The following DCAF1 variants were observed in gnomAD, a reference collection of about 807,000 sequenced individuals.
The protein encoded by DCAF1 is DDB1- and CUL4-associated factor 1.
A neutral mutation model predicts 128.0 loss-of-function variants in DCAF1; 15 were observed. The observed-to-expected ratio is 0.12, with a 90% CI of 0.08 to 0.18. The LOEUF is 0.18. Ranked by LOEUF, DCAF1 falls within the 10% of genes least tolerant of loss-of-function variation. The pLI is 1.00. For missense variants in DCAF1, 988 were observed against 1,649.5 expected (o/e 0.60, Z 6.95); for synonymous variants, 610 against 603.0 (o/e 1.01, Z -0.17).
At chr3:51,477,461 CAA>C (rs1249028437) in intron 3 of DCAF1, among the ~76,000 whole-genome samples, 11 of 90,796 alleles carry the variant, frequency 1.2e-4, no homozygotes, top group Admixed American at 3.5e-4. Flanking sequence ...CCTGTCTCTA[CAA>C]AAAAAAAAAA....
chr3:51,491,967 C>G (rs782815658), intron 2 of DCAF1, among the ~76,000 whole-genome samples: 1 of 151,976 alleles, frequency 6.6e-6, no homozygotes, highest in Non-Finnish European at 1.5e-5. Flanking sequence ...ACCATCCTAG[C>G]CAACATGGTG....
rs1553631908 is a variant in DCAF1 at position 51,420,125 on chromosome 3, C to T, written c.2845G>A (p.Gly949Ser). The change falls in exon 15 of 25, where the codon GGC becomes AGC. Residue 949 changes from glycine (G) to serine (S), a missense_variant. Coordinates refer to ENST00000684031, the MANE Select transcript of DCAF1 (RefSeq NM_001387579.1). This position sits in a 1 kb window ranked among gnomAD's most constrained non-coding sequence, Gnocchi z 6.5. ...PLALPGPSYA[G>S]NSPLIGRISF... ...ATTCTACCAATCAAAGGGGAGTTGC[C>T]TGCATAAGATGGGCCGGGCAGAGCT... 1 of 1,613,882 alleles carries T rather than the reference C, an allele frequency of 6.2e-7. No homozygotes were observed. The highest frequency in any genetic ancestry group is 1.3e-5 in the African/African-American group (1 of 74,914).
At chr3:51,500,812 CTTTTTT>C (rs3051029), upstream of DCAF1, among the ~76,000 whole-genome samples, 1 of 128,662 alleles carries the variant, frequency 7.8e-6, no homozygotes, top group Non-Finnish European at 1.6e-5. Context: ...TTTTCTCTGT[CTTTTTT>C]TTTTTTTTTT....
At chr3:51,493,826 G>A (rs992446608) in intron 2 of DCAF1, among the ~76,000 whole-genome samples, 6 of 151,764 alleles carry the variant, frequency 4.0e-5, no homozygotes, top group Non-Finnish European at 5.9e-5. Context: ...TGAAACCCCC[G>A]TCTCTACTGA....
At chr3:51,461,348 A>C (rs1325253515) in intron 6 of DCAF1, among the ~76,000 whole-genome samples, 3 of 152,370 alleles carry the variant, frequency 2.0e-5, no homozygotes, top group African/African-American at 7.2e-5. Flanking sequence ...AATGCAAATC[A>C]AAACCACAAT....
intron 2 of DCAF1, among the ~76,000 whole-genome samples, chr3:51,491,047 A>C (rs1401009126): frequency 6.6e-6 from 1 of 151,400 alleles, no homozygotes; most frequent in African/African-American, 2.4e-5. Context: ...TTGGAAAAAA[A>C]AAAAAAAAAA....
Position 51,441,554 on chromosome 3 carries a change from C to G in DCAF1, c.857G>C (p.Gly286Ala), listed in dbSNP as rs1453122275. 1.2e-6 allele frequency: 2 copies of G among 1,613,884 alleles called. No individual in the cohort carries two copies. The highest frequency in any genetic ancestry group is 2.7e-5 in the African/African-American group (2 of 74,912). The change falls in exon 8 of 25, where the codon GGT becomes GCT. Residue 286 changes from glycine to alanine, a missense_variant. Coordinates refer to ENST00000684031, the MANE Select transcript of DCAF1 (RefSeq NM_001387579.1). ...GCGATCTGGATCAGAAGATGAGAAA[C>G]CCAACTTTTGCTTGGCTTTCCTAAA... Reference protein sequence around the residue: ...ENFRKAKQKLGFSSSDPDRMF... With the variant: ...ENFRKAKQKLAFSSSDPDRMF...
At chr3:51,407,440 CTCTTAA>C (rs1267543625) in intron 23 of DCAF1, among the ~76,000 whole-genome samples, 2 of 152,178 alleles carry the variant, frequency 1.3e-5, no homozygotes, top group Admixed American at 1.3e-4. Context: ...TCAGTAAAGA[CTCTTAA>C]CATCCGCTTC....
At chr3:51,488,461 A>AG (rs1559577431) in intron 2 of DCAF1, among the ~76,000 whole-genome samples, 12 of 152,026 alleles carry the variant, frequency 7.9e-5, no homozygotes, top group Middle Eastern at 3.4e-3. Context: ...GTGGATCATG[A>AG]GGTCAGGAGT....
At chr3:51,437,850 AAAC>A (rs1559510113) in intron 9 of DCAF1, among the ~76,000 whole-genome samples, 1 of 152,066 alleles carries the variant, frequency 6.6e-6, no homozygotes, top group East Asian at 1.9e-4. Context: ...TGCATAACAC[AAAC>A]AACATTGTTG....
At chr3:51,403,490 T>C in intron 23 of DCAF1, 95 bp from the exon 24 acceptor site, 1 of 1,501,370 alleles carries the variant, frequency 6.7e-7, no homozygotes, top group Non-Finnish European at 8.9e-7. Context: ...GGTAGGAAAC[T>C]GTCAGTAGAG....
In DCAF1 at chr3:51,422,427, C is replaced by A; in HGVS notation, c.1852G>T (p.Asp618Tyr). The change falls in exon 14 of 25, where the codon GAC (aspartate) becomes TAC (tyrosine). Residue 618 changes from aspartate (D) to tyrosine (Y), a missense_variant. Asp to Tyr is a radical substitution (Grantham distance 160, BLOSUM62 -3). Coordinates refer to ENST00000684031, the MANE Select transcript of DCAF1 (RefSeq NM_001387579.1). The stretch of plus-strand genomic sequence containing the variant: ...ACATCCAAAGCAAAGCGCACAGTGT[C>A]ATTCCTGGACAGGAAGAATTAGTCA... ...CNWKTYYARN[D>Y]TVRFALDVLA... The A allele has an allele frequency of 1.4e-6, 1 of 721,330 alleles. No individual in the cohort carries two copies. Among genetic ancestry groups the A allele is most frequent in the South Asian group, 1.5e-5 (1 of 67,674 alleles). The allele number at this position is 721,330 out of a possible 1,614,324, so 44.7% of individuals were successfully genotyped here.
chr3:51,400,098 C>G (rs537427366), intron 24 of DCAF1, among the ~76,000 whole-genome samples: 2 of 152,318 alleles, frequency 1.3e-5, no homozygotes, highest in South Asian at 4.1e-4. Flanking sequence ...AAATGGCTGA[C>G]AAAACCAGTG....
intron 17 of DCAF1, among the ~76,000 whole-genome samples, chr3:51,417,768 G>A (rs1699022447): frequency 6.9e-6 from 1 of 145,736 alleles, no homozygotes; most frequent in African/African-American, 2.5e-5. Flanking sequence ...GGAAAGGAGA[G>A]GAGAAGAGAG....
intron 2 of DCAF1, among the ~76,000 whole-genome samples, chr3:51,492,997 AAAATAAAT>A (rs1165737514): frequency 1.3e-5 from 2 of 152,072 alleles, no homozygotes; most frequent in African/African-American, 4.8e-5. Flanking sequence ...CCCTCTCAAA[AAAATAAAT>A]AAATAAATAA....
At chr3:51,464,911 G>A (rs1173047774) in intron 5 of DCAF1, among the ~76,000 whole-genome samples, 1 of 152,146 alleles carries the variant, frequency 6.6e-6, no homozygotes, top group Non-Finnish European at 1.5e-5. Flanking sequence ...AAACTGCAGA[G>A]AACAAAGTTC....
At chr3:51,406,613 A>C (rs947278221) in intron 23 of DCAF1, among the ~76,000 whole-genome samples, 1 of 152,072 alleles carries the variant, frequency 6.6e-6, no homozygotes, top group Non-Finnish European at 1.5e-5. Context: ...GCAGATAAAC[A>C]ACTCACCCCT....
chr3:51,421,553 G>A (rs1292479264), intron 14 of DCAF1, among the ~76,000 whole-genome samples: 2 of 152,120 alleles, frequency 1.3e-5, no homozygotes, highest in South Asian at 4.1e-4. Flanking sequence ...CACTGTGCTC[G>A]ACCTTTTCTG....
intron 3 of DCAF1, among the ~76,000 whole-genome samples, chr3:51,481,296 A>C (rs189417857): frequency 4.6e-5 from 7 of 152,316 alleles, no homozygotes; most frequent in Non-Finnish European, 1.5e-5. Context: ...GTGTATGAGA[A>C]AAAGGAATCT....
Sources: gnomAD v4.1 joint callset for allele counts (sites outside exome capture counted in the v4.1 genomes callset) on GRCh38, gnomAD v4.1.1 for gene constraint, Gnocchi (gnomAD v3.1) non-coding constraint, MANE v1.5 for transcripts, NCBI Gene and HGNC (gene_info 2026-07-23, HGNC 2026-07-21) for gene names.